Variants in FBXO4 observed in about 807,000 individuals in gnomAD.
FBXO4 encodes the protein F-box protein 4.
Under a neutral mutation model 43.7 loss-of-function variants are expected in FBXO4, and 36 were observed. The ratio of observed to expected loss-of-function variants is 0.82; its 90% CI spans 0.63 to 1.09. The LOEUF (loss-of-function observed/expected upper bound fraction) is 1.09, where lower values mean the gene tolerates loss of function less well. Ranked by LOEUF, FBXO4 falls within the 50% of genes least tolerant of loss-of-function variation. The pLI is 0.00. For synonymous variants in FBXO4, 180 were observed against 165.6 expected (o/e 1.09, Z -0.67); for missense variants, 435 against 474.1 (o/e 0.92, Z 0.77).
chr5:41,933,629 T>A (rs1212948599), intron 3 of FBXO4, among the ~76,000 whole-genome samples: 1 of 152,124 alleles, frequency 6.6e-6, no homozygotes, highest in Non-Finnish European at 1.5e-5. Flanking sequence ...TGAGTCTTAG[T>A]CTTGAGGATA....
At chr5:41,964,626 T>A in the FBXO4 span, among the ~76,000 whole-genome samples, 1 of 149,752 alleles carries the variant, frequency 6.7e-6, no homozygotes, top group African/African-American at 2.4e-5. Context: ...GATTTTAAGA[T>A]ACATCAAAGA....
At position 41,941,739 on chromosome 5, in the gene FBXO4, A is replaced by C. The variant is rs970039394; in HGVS notation, c.*458A>C. 6.5e-6 allele frequency: 1 copy of C among 153,402 alleles called. No individual in the cohort carries two copies. 9.5% of individuals were successfully genotyped at this position (153,402 alleles called of 1,614,324 possible). On this transcript the variant is annotated 3_prime_UTR_variant, in exon 7 of 7. Coordinates refer to ENST00000281623, the MANE Select transcript of FBXO4 (RefSeq NM_012176.3). ...TAATAAATACACTGCTTAAAGACTG[A>C]AAAATGTACTGGAATTGCATTTAAT...
the FBXO4 span, chr5:41,963,781 A>T: frequency 6.6e-6 from 1 of 152,192 alleles, no homozygotes; most frequent in Non-Finnish European, 1.5e-5. Flanking sequence ...GCAGAGATGG[A>T]ATAAAATCCA....
chr5:41,987,967 T>C, the FBXO4 span, among the ~76,000 whole-genome samples: 8 of 152,250 alleles, frequency 5.3e-5, no homozygotes, highest in Admixed American at 5.2e-4. Context: ...GGCCCTGCCA[T>C]ATCTGATTCT....
At chr5:42,019,694 C>CAA in the FBXO4 span, among the ~76,000 whole-genome samples, 1 of 81,190 alleles carries the variant, frequency 1.2e-5, no homozygotes, top group African/African-American at 4.5e-5. Context: ...GACTCCGTCT[C>CAA]AAAAAAAAAA....
In FBXO4 at chr5:41,927,316, A is replaced by C. The variant is rs976163420; in HGVS notation, c.425+68A>C. On this transcript the variant is annotated intron_variant, in intron 2 of 6. Coordinates refer to ENST00000281623, the MANE Select transcript of FBXO4 (RefSeq NM_012176.3). ...TTCCTGTATTACTAGTCAATATCCA[A>C]GTTAATCCTGACCCTGCTACTGATT... The C allele has an allele frequency of 7.7e-6, 9 of 1,171,808 alleles. No homozygotes were observed. In the African/African-American group the frequency reaches 1.4e-4, roughly 18 times the overall value. 72.6% of individuals were successfully genotyped at this position (1,171,808 alleles called of 1,614,324 possible).
At chr5:41,968,084 G>C in the FBXO4 span, 1 of 349,290 alleles carries the variant, frequency 2.9e-6, no homozygotes, top group African/African-American at 2.2e-5. Context: ...TCATTTAGTT[G>C]GCAATGGGTT....
chr5:42,023,523 C>T, the FBXO4 span, among the ~76,000 whole-genome samples: 3 of 151,974 alleles, frequency 2.0e-5, no homozygotes, highest in East Asian at 5.8e-4. Flanking sequence ...GTCATTCTTT[C>T]CTAAATTGTT....
intron 3 of FBXO4, among the ~76,000 whole-genome samples, chr5:41,930,433 T>C (rs1751651422): frequency 6.6e-6 from 1 of 152,230 alleles, no homozygotes; most frequent in South Asian, 2.1e-4. Flanking sequence ...GATGCAGATT[T>C]AGAACAATGT....
At chr5:42,012,894 C>T in the FBXO4 span, among the ~76,000 whole-genome samples, 2 of 152,124 alleles carry the variant, frequency 1.3e-5, no homozygotes, top group Admixed American at 6.6e-5. Context: ...CACTCAGTAA[C>T]GTTAGGTAGC....
At chr5:41,927,372 C>T in intron 2 of FBXO4, 124 bp downstream of exon 2, 1 of 678,620 alleles carries the variant, frequency 1.5e-6, no homozygotes, top group Non-Finnish European at 2.4e-6. Context: ...TAATTGTTCT[C>T]GTCAAAACTG....
the FBXO4 span, among the ~76,000 whole-genome samples, chr5:42,009,240 A>G: frequency 6.6e-6 from 1 of 152,076 alleles, no homozygotes; most frequent in Non-Finnish European, 1.5e-5. Flanking sequence ...TAATCTGTTT[A>G]ACTATCCATG....
chr5:42,011,560 T>A, the FBXO4 span, among the ~76,000 whole-genome samples: 2 of 152,236 alleles, frequency 1.3e-5, no homozygotes, highest in African/African-American at 2.4e-5. Flanking sequence ...ATTGCATGCA[T>A]GTGCCTGGCT....
the FBXO4 span, among the ~76,000 whole-genome samples, chr5:42,036,170 TA>T: frequency 6.6e-6 from 1 of 152,120 alleles, no homozygotes; most frequent in Non-Finnish European, 1.5e-5. Context: ...ACCATAAATT[TA>T]AATGGTGGCT....
chr5:42,007,703 C>T, the FBXO4 span, among the ~76,000 whole-genome samples: 2 of 152,192 alleles, frequency 1.3e-5, no homozygotes, highest in Non-Finnish European at 2.9e-5. Context: ...ACTCATTGGG[C>T]ATCAATAGTT....
chr5:42,001,602 C>T, the FBXO4 span, among the ~76,000 whole-genome samples: 324 of 152,288 alleles, frequency 2.1e-3, no homozygotes, highest in African/African-American at 7.4e-3. Flanking sequence ...AAGTCTTTCA[C>T]CTCTTTGGTT....
intron 6 of FBXO4, 71 bp downstream of exon 6, chr5:41,939,687 A>G: frequency 7.8e-7 from 1 of 1,275,114 alleles, no homozygotes; most frequent in Non-Finnish European, 1.1e-6. Flanking sequence ...TTTATTTTTT[A>G]AATTCATCTT....
chr5:41,989,177 T>A, the FBXO4 span, among the ~76,000 whole-genome samples: 1 of 152,144 alleles, frequency 6.6e-6, no homozygotes, highest in African/African-American at 2.4e-5. Context: ...GAATTTCCAG[T>A]TTGCCTTAGC....
downstream of FBXO4, among the ~76,000 whole-genome samples, chr5:41,946,024 A>T (rs113301571): frequency 2.0e-5 from 3 of 152,144 alleles, no homozygotes; most frequent in Non-Finnish European, 4.4e-5. Context: ...CTTCATCCCC[A>T]TGTGACCATC....
Sources: allele counts gnomAD v4.1 joint callset (sites outside exome capture counted in the v4.1 genomes callset), GRCh38; gene constraint gnomAD v4.1.1; transcripts MANE v1.5; gene names NCBI Gene and HGNC (gene_info 2026-07-23, HGNC 2026-07-21).